ETV5: variants seen among roughly 807,000 people sequenced by gnomAD.
The protein encoded by ETV5 is ETS translocation variant 5.
ETV5 carries 10 observed loss-of-function variants against 70.0 expected under a neutral mutation model. The ratio of observed to expected loss-of-function variants is 0.14; its 90% CI spans 0.09 to 0.24. The LOEUF is 0.24. Among genes scored for constraint, ETV5 ranks in the 10% least tolerant of loss-of-function variants. The pLI, the probability that ETV5 is intolerant of heterozygous loss-of-function variation, is 1.00. For missense variants in ETV5, 453 were observed against 651.2 expected, an observed-to-expected ratio of 0.70 and a Z score of 3.31; for synonymous variants, 216 against 242.2, an observed-to-expected ratio of 0.89 and a Z score of 1.01.
In ETV5 at chr3:186,086,313, T is replaced by C. The variant is rs569932106; in HGVS notation, c.233-5138A>G. On this transcript the variant is annotated intron_variant, in intron 5 of 12. Transcript: ENST00000306376. ...GATGCTCACAAGTCAACCAATTTCA[T>C]AGTTGCTTTTCTTATTAGACTACGG... Among the ~76,000 whole-genome samples the C allele has an allele frequency of 1.1e-4, 16 of 152,354 alleles. No individual in the cohort carries two copies. In the South Asian group the frequency reaches 3.3e-3, roughly 32 times the overall value.
At chr3:186,098,358 G>C (rs1311759162) in intron 5 of ETV5, among the ~76,000 whole-genome samples, 2 of 152,146 alleles carry the variant, frequency 1.3e-5, no homozygotes, top group African/African-American at 4.8e-5. Context: ...TGCCTCTCCA[G>C]ACCTTCCTTC....
At chr3:186,085,373 G>A (rs1429860562) in intron 5 of ETV5, among the ~76,000 whole-genome samples, 4 of 152,036 alleles carry the variant, frequency 2.6e-5, no homozygotes, top group African/African-American at 9.7e-5. Context: ...TCCCCAGTGC[G>A]AGCCACACGT....
intron 11 of ETV5, among the ~76,000 whole-genome samples, chr3:186,055,022 C>A (rs1203333122): frequency 6.6e-6 from 1 of 152,204 alleles, no homozygotes; most frequent in Non-Finnish European, 1.5e-5. Context: ...TATGACTTGG[C>A]TGCCTGGCAT....
intron 5 of ETV5, 67 bp from the exon 6 acceptor site, chr3:186,081,242 T>G (rs1326614763): frequency 2.7e-6 from 4 of 1,484,162 alleles, no homozygotes; most frequent in Non-Finnish European, 3.6e-6. Flanking sequence ...AGCACAATGC[T>G]TCCTTCTGCA....
chr3:186,083,696 G>A (rs1713986378), intron 5 of ETV5, among the ~76,000 whole-genome samples: 1 of 152,184 alleles, frequency 6.6e-6, no homozygotes, highest in African/African-American at 2.4e-5. Context: ...CAAAGGGGGA[G>A]TTCAAAAAGT....
chr3:186,081,272 T>A (rs1223811710), intron 5 of ETV5, 97 bp from the exon 6 acceptor site: 20 of 1,280,740 alleles, frequency 1.6e-5, no homozygotes, highest in Non-Finnish European at 2.0e-5. Context: ...ACTAGCTGAT[T>A]GTTCTTGGAA....
chr3:186,105,603 T>C lies in ETV5; in HGVS notation c.133+22A>G, dbSNP rs1221259645. 10 of 1,613,954 alleles carry C rather than the reference T, an allele frequency of 6.2e-6. No homozygotes were observed. The East Asian group carries it at 2.2e-4, about 36-fold the overall frequency. On this transcript the variant is annotated intron_variant, in intron 3 of 12. Coordinates refer to ENST00000306376, the MANE Select transcript of ETV5 (RefSeq NM_004454.3). The surrounding 1 kb of genome is among the most constrained non-coding windows in gnomAD (Gnocchi z 4.5). ...CACTGGGAGCAGGGAAGCCACAACA[T>C]AATCAGGGAAAGCTTTACTACCTTC...
intron 5 of ETV5, among the ~76,000 whole-genome samples, chr3:186,090,933 A>T (rs755517368): frequency 8.5e-5 from 13 of 152,210 alleles, no homozygotes; most frequent in Non-Finnish European, 1.5e-4. Flanking sequence ...CTGAAGACCT[A>T]AACTGTGTTG....
Position 186,105,095 on chromosome 3 carries a change from T to C in ETV5, c.232+210A>G, listed in dbSNP as rs1387129968. On this transcript the variant is annotated intron_variant, in intron 5 of 12. Transcript: ENST00000306376. This position sits in a 1 kb window ranked among gnomAD's most constrained non-coding sequence, Gnocchi z 4.5. ...AAATTTAGGATAAAATTATGTTCAGTAAATCTTACCTGCAATACAGTAGAA... is the reference window on the plus strand; with the variant it reads ...AAATTTAGGATAAAATTATGTTCAGCAAATCTTACCTGCAATACAGTAGAA... 1.3e-5 allele frequency: 6 copies of C among 472,780 alleles called. No homozygotes were observed. Among genetic ancestry groups the C allele is most frequent in the Non-Finnish European group, 2.2e-5 (6 of 271,846 alleles). The allele number at this position is 472,780 out of a possible 1,614,324, so 29.3% of individuals were successfully genotyped here.
intron 7 of ETV5, among the ~76,000 whole-genome samples, chr3:186,069,519 T>A (rs376166806): frequency 0.023 from 2,981 of 129,394 alleles, 97 homozygotes; most frequent in African/African-American, 0.076. Flanking sequence ...TTTTTTTTTT[T>A]TAAAAAAAGT....
chr3:186,105,828 G>A lies in ETV5; in HGVS notation c.41C>T (p.Pro14Leu). Residue 14 changes from proline (P) to leucine (L), a missense_variant, in exon 2 of 13, where the codon CCA becomes CTA. By Grantham distance (98) the Pro-to-Leu change is moderately conservative. This residue lies in a region of ETV5 where 47 missense variants were observed against 96.8 expected (regional missense o/e 0.49). Transcript: ENST00000306376. The surrounding 1 kb of genome is among the most constrained non-coding windows in gnomAD (Gnocchi z 4.5). ...CCAAAAGCCACATAAACTTACCCCT[G>A]GGACCATAAAAGGGACTTGCTGATC... ...FYDQQVPFMV[P>L]GKSRSEECRG... The A allele has an allele frequency of 1.2e-6, 2 of 1,613,778 alleles. No homozygotes were observed. The highest frequency in any genetic ancestry group is 8.5e-7 in the Non-Finnish European group (1 of 1,179,730).
intron 5 of ETV5, among the ~76,000 whole-genome samples, chr3:186,085,506 CGT>C: frequency 7.3e-6 from 1 of 137,428 alleles, no homozygotes; most frequent in African/African-American, 2.8e-5. Context: ...CAGTAGCCTT[CGT>C]TTTTTTTTTT....
chr3:186,076,265 A>G (rs946466078), intron 7 of ETV5: 1 of 212,284 alleles, frequency 4.7e-6, no homozygotes, highest in African/African-American at 2.3e-5. Flanking sequence ...GACTATATAA[A>G]ACATTAAGAA....
At chr3:186,108,064 G>A (rs1714636435) in intron 1 of ETV5, among the ~76,000 whole-genome samples, 1 of 150,648 alleles carries the variant, frequency 6.6e-6, no homozygotes, top group Admixed American at 6.6e-5. Flanking sequence ...CATTCATAAA[G>A]TCACCCACAT....
chr3:186,077,698 G>C (rs527725761), intron 7 of ETV5, among the ~76,000 whole-genome samples: 8 of 152,266 alleles, frequency 5.3e-5, no homozygotes, highest in African/African-American at 1.7e-4. Flanking sequence ...CAAGGACTCT[G>C]CATTGAAAAT....
At position 186,052,231 on chromosome 3, in the gene ETV5, G is replaced by C; in HGVS notation, c.1210-100C>G. On this transcript the variant is annotated intron_variant, in intron 11 of 12. Coordinates refer to ENST00000306376, the MANE Select transcript of ETV5 (RefSeq NM_004454.3). The surrounding 1 kb of genome is among the most constrained non-coding windows in gnomAD (Gnocchi z 4.5). The stretch of plus-strand genomic sequence containing the variant: ...GCCAGTTCTGTAACCTGACTGCTTT[G>C]GTCAATGATCTGCTACTCTGACCTG... The C allele has an allele frequency of 9.1e-7, 1 of 1,099,290 alleles. No individual in the cohort carries two copies. The allele number at this position is 1,099,290 out of a possible 1,614,324, so 68.1% of individuals were successfully genotyped here.
Position 186,079,965 on chromosome 3 carries a change from G to T in ETV5, c.502C>A (p.Pro168Thr). ...GGGGCGGGGCCCACACCTTGAACTG[G>T]GCCAGCTGCAGGGGCATGCCCTGAG... ...PTSGHAPAAG[P>T]VQGVGPAPAP... is the part of the protein sequence containing the mutation. The change falls in exon 7 of 13, where the codon CCA becomes ACA. Residue 168 changes from proline (P) to threonine (T), a missense_variant. By Grantham distance (38) the Pro-to-Thr change is conservative (BLOSUM62 -1). This residue lies in a region of ETV5 where 307 missense variants were observed against 344.9 expected (regional missense o/e 0.89). Transcript: ENST00000306376. 1.2e-6 allele frequency: 2 copies of T among 1,601,058 alleles called. No homozygotes were observed. The highest frequency in any genetic ancestry group is 8.5e-7 in the Non-Finnish European group (1 of 1,175,022).
At position 186,057,846 on chromosome 3, in the gene ETV5, T is replaced by C. The variant is rs1713204709; in HGVS notation, c.971-355A>G. 6.6e-6 allele frequency among the ~76,000 whole-genome samples: 1 copy of C among 152,348 alleles called. No individual in the cohort carries two copies. Among genetic ancestry groups the C allele is most frequent in the African/African-American group, 2.4e-5 (1 of 41,586 alleles). ...AAACACATCTCTATTTCAGTTGGCC[T>C]AGCTGGATGGATTTGGTTGATCTGT... On this transcript the variant is annotated intron_variant, in intron 9 of 12. Coordinates refer to ENST00000306376, the MANE Select transcript of ETV5 (RefSeq NM_004454.3). The surrounding 1 kb of genome is among the most constrained non-coding windows in gnomAD (Gnocchi z 4.9).
At chr3:186,065,729 C>G in intron 8 of ETV5, 84 bp downstream of exon 8, 1 of 1,517,718 alleles carries the variant, frequency 6.6e-7, no homozygotes, top group Non-Finnish European at 8.9e-7. Flanking sequence ...TTCCTGTCCC[C>G]AAGGCCCTGC....
Sources: allele counts gnomAD v4.1 joint callset (sites outside exome capture counted in the v4.1 genomes callset), GRCh38; gene constraint gnomAD v4.1.1; regional missense constraint gnomAD v4.1.1; non-coding constraint Gnocchi (gnomAD v3.1); transcripts MANE v1.5; gene names NCBI Gene and HGNC (gene_info 2026-07-23, HGNC 2026-07-21).